The following NHS variants were observed in gnomAD, a reference collection of about 807,000 sequenced individuals.
NHS encodes the protein NHS actin remodeling regulator.
Under a neutral mutation model 72.5 loss-of-function variants are expected in NHS, and 5 were observed. The observed-to-expected ratio is 0.07, with a 90% CI of 0.04 to 0.14. The LOEUF is 0.14. NHS is among the 10% of genes least tolerant of loss of function. The pLI, the probability that NHS is intolerant of heterozygous loss-of-function variation, is 1.00. For synonymous variants in NHS, 464 were observed against 547.7 expected (o/e 0.85, Z 2.13); for missense variants, 1,072 against 1,355.7 (o/e 0.79, Z 3.29).
intron 1 of NHS, among the ~76,000 whole-genome samples, chrX:17,600,286 C>CAGAGAGAGACAG (rs1556015852): frequency 9.9e-6 from 1 of 101,340 alleles, no homozygotes; most frequent in Middle Eastern, 4.7e-3. Context: ...CAGAGAGAGA[C>CAGAGAGAGACAG]AGAGAGAGAG....
At chrX:17,609,571 T>C (rs1436786549) in intron 1 of NHS, among the ~76,000 whole-genome samples, 2 of 112,113 alleles carry the variant, frequency 1.8e-5, no homozygotes, top group Non-Finnish European at 3.8e-5. Context: ...AGAAATTGAC[T>C]TAATCCTGTA....
At chrX:17,457,027 T>C (rs781617752) in intron 1 of NHS, among the ~76,000 whole-genome samples, 2 of 112,045 alleles carry the variant, frequency 1.8e-5, no homozygotes, top group African/African-American at 6.5e-5. Context: ...ATGATAATGA[T>C]GATGAAGATA....
intron 1 of NHS, among the ~76,000 whole-genome samples, chrX:17,417,417 T>C (rs753302626): frequency 8.9e-6 from 1 of 112,126 alleles, no homozygotes; most frequent in Non-Finnish European, 1.9e-5. Context: ...AATTATTCTT[T>C]TCCTGAAACC....
At chrX:17,594,281 C>A (rs772112781) in intron 1 of NHS, among the ~76,000 whole-genome samples, 18 of 111,871 alleles carry the variant, frequency 1.6e-4, no homozygotes, top group South Asian at 3.7e-4. Context: ...AAAACCAAAA[C>A]CAAAAACAAA....
chrX:17,538,286 G>A (rs770520020), intron 1 of NHS, among the ~76,000 whole-genome samples: 2 of 111,858 alleles, frequency 1.8e-5, no homozygotes, highest in Non-Finnish European at 3.8e-5. Flanking sequence ...GTCTTAGGTT[G>A]GCTTCCTCTA....
At chrX:17,389,255 G>T (rs957689214) in intron 1 of NHS, among the ~76,000 whole-genome samples, 1 of 112,022 alleles carries the variant, frequency 8.9e-6, no homozygotes, top group Non-Finnish European at 1.9e-5. Flanking sequence ...CACCAGGCAG[G>T]TAATACTACT....
At chrX:17,704,585 G>A (rs999691877) in intron 3 of NHS, among the ~76,000 whole-genome samples, 4 of 111,109 alleles carry the variant, frequency 3.6e-5, no homozygotes, top group African/African-American at 9.8e-5. Context: ...GGCGTGAGCC[G>A]CCACGCCCGG....
Position 17,375,674 on chromosome X carries a change from C to T in NHS, c.-84C>T. 1 of 1,055,074 alleles carries T rather than the reference C, an allele frequency of 9.5e-7. No homozygotes were observed. The highest frequency in any genetic ancestry group is 1.3e-6 in the Non-Finnish European group (1 of 785,603). The allele number at this position is 1,055,074 out of a possible 1,213,427, so 86.9% of individuals were successfully genotyped here. A position where few individuals can be genotyped will look rare whatever the true frequency, so the allele number is the denominator to read the frequency against. ...CGCGCTTTTGCCGGACTCCTGCCCC[C>T]TCCCTGCTCAGGTGGGCGCGCCCGG... On this transcript the variant is annotated 5_prime_UTR_variant, in exon 1 of 9. Transcript: ENST00000676302.
At chrX:17,652,602 A>T (rs780588052) in intron 1 of NHS, among the ~76,000 whole-genome samples, 1 of 111,598 alleles carries the variant, frequency 9.0e-6, no homozygotes, top group South Asian at 3.8e-4. Context: ...GGGGATAAGG[A>T]GAGTCTGGTT....
At chrX:17,661,219 G>T (rs1216423857) in intron 1 of NHS, among the ~76,000 whole-genome samples, 1 of 111,621 alleles carries the variant, frequency 9.0e-6, no homozygotes, top group Non-Finnish European at 1.9e-5. Context: ...GAAAAGGCAG[G>T]AGCATACCAA....
chrX:17,459,473 C>T (rs1440412471), intron 1 of NHS, among the ~76,000 whole-genome samples: 1 of 112,336 alleles, frequency 8.9e-6, no homozygotes, highest in Admixed American at 9.4e-5. Context: ...GCTAAAGCCA[C>T]AAGTTTACAA....
intron 1 of NHS, among the ~76,000 whole-genome samples, chrX:17,468,934 A>C (rs182448788): frequency 1.8e-5 from 2 of 111,782 alleles, no homozygotes; most frequent in African/African-American, 6.5e-5. Context: ...GGTGAGTTTT[A>C]CCAACGAATA....
At chrX:17,503,966 G>T (rs1007106811) in intron 1 of NHS, among the ~76,000 whole-genome samples, 3 of 111,174 alleles carry the variant, frequency 2.7e-5, no homozygotes, top group African/African-American at 9.8e-5. Context: ...GAAAGAAAGG[G>T]TTCCCCAGAC....
intron 1 of NHS, among the ~76,000 whole-genome samples, chrX:17,644,894 C>A (rs1383332206): frequency 9.0e-6 from 1 of 110,917 alleles, no homozygotes; most frequent in Non-Finnish European, 1.9e-5. Flanking sequence ...ATGCATAAGT[C>A]CCTCTGAAAA....
chrX:17,489,326 C>G, intron 1 of NHS, among the ~76,000 whole-genome samples: 1 of 111,952 alleles, frequency 8.9e-6, no homozygotes, highest in African/African-American at 3.2e-5. Flanking sequence ...ATGGCTGGGT[C>G]AAATGATATT....
intron 1 of NHS, among the ~76,000 whole-genome samples, chrX:17,633,442 C>T (rs1467163279): frequency 8.9e-6 from 1 of 112,126 alleles, no homozygotes; most frequent in Admixed American, 9.5e-5. Context: ...TCTAGACCTA[C>T]GGACAGCACC....
chrX:17,612,008 C>A (rs2065713859), intron 1 of NHS, among the ~76,000 whole-genome samples: 1 of 107,219 alleles, frequency 9.3e-6, no homozygotes, highest in Non-Finnish European at 1.9e-5. Context: ...GCACCTCACC[C>A]CCCTCCACAG....
intron 3 of NHS, among the ~76,000 whole-genome samples, chrX:17,719,002 T>A (rs1266458441): frequency 4.7e-5 from 3 of 63,519 alleles, no homozygotes; most frequent in Admixed American, 4.5e-4. Flanking sequence ...GAAGAAGGAA[T>A]GGAAGAAGAA....
chrX:17,427,201 G>A (rs754914173), intron 1 of NHS, among the ~76,000 whole-genome samples: 1 of 111,647 alleles, frequency 9.0e-6, no homozygotes, highest in South Asian at 3.8e-4. Context: ...GTGGGTTTTT[G>A]TTGGGAATTG....
Sources: gnomAD v4.1 joint callset for allele counts (sites outside exome capture counted in the v4.1 genomes callset) on GRCh38, gnomAD v4.1.1 for gene constraint, MANE v1.5 for transcripts, NCBI Gene and HGNC (gene_info 2026-07-23, HGNC 2026-07-21) for gene names.